The following TRAF6 variants were observed in gnomAD, a reference collection of about 807,000 sequenced individuals.
TRAF6 encodes the protein TNF receptor associated factor 6.
TRAF6 carries 10 observed loss-of-function variants against 48.4 expected under a neutral mutation model. That is an observed-to-expected ratio of 0.21 (90% confidence interval 0.13 to 0.35). TRAF6 has a LOEUF of 0.35. Among genes scored for constraint, TRAF6 ranks in the 10% least tolerant of loss-of-function variants. The probability of loss-of-function intolerance (pLI) is 1.00; values close to 1 mark genes in which losing one functional copy is unlikely to be tolerated. For synonymous variants in TRAF6, 186 were observed against 219.6 expected (o/e 0.85, Z 1.35); for missense variants, 397 against 661.0 (o/e 0.60, Z 4.38).
rs1316831790 is a variant in TRAF6 at position 36,490,811 on chromosome 11, A to G, written c.757-161T>C. On this transcript the variant is annotated intron_variant, in intron 6 of 6. Transcript: ENST00000526995. The surrounding 1 kb of genome is among the most constrained non-coding windows in gnomAD (Gnocchi z 6.4). ...AACAGATTCTTGATCCAATGAGGCG[A>G]CTCTGCCTCTTAGTTCACTGAAAAA... Among the ~76,000 whole-genome samples the G allele has an allele frequency of 6.6e-6, 1 of 151,920 alleles. No individual in the cohort carries two copies. The highest frequency in any genetic ancestry group is 1.5e-5 in the Non-Finnish European group (1 of 67,986).
At chr11:36,497,340 T>C in intron 3 of TRAF6, 74 bp from the exon 4 acceptor site, 2 of 1,387,382 alleles carry the variant, frequency 1.4e-6, no homozygotes, top group Middle Eastern at 1.8e-4. Context: ...CCTAATCATA[T>C]ACTGTTCTCT....
In TRAF6 at chr11:36,490,557, G is replaced by A; in HGVS notation, c.850C>T (p.Pro284Ser). ...ACCTCTGAGATATACCCAGAGTCGG[G>A]TATAACGCTCAAACTATGAACAGCC... The part of the protein sequence containing the change: ...AQAVHSLSVI[P>S]DSGYISEVRN... The change falls in exon 7 of 7, where the codon CCC (proline) becomes TCC (serine). Residue 284 changes from proline (P) to serine (S), a missense_variant. Transcript: ENST00000526995. This position sits in a 1 kb window ranked among gnomAD's most constrained non-coding sequence, Gnocchi z 6.4. The A allele has an allele frequency of 6.2e-7, 1 of 1,614,116 alleles. No homozygotes were observed. Among genetic ancestry groups the A allele is most frequent in the Non-Finnish European group, 8.5e-7 (1 of 1,180,046 alleles).
intron 1 of TRAF6, among the ~76,000 whole-genome samples, chr11:36,502,159 G>GT (rs1859726801): frequency 6.6e-6 from 1 of 152,112 alleles, no homozygotes; most frequent in Non-Finnish European, 1.5e-5. Flanking sequence ...TTAGATCTTG[G>GT]TTTTTTCTTC....
At chr11:36,497,964 A>C (rs565762954) in intron 3 of TRAF6, among the ~76,000 whole-genome samples, 2 of 150,430 alleles carry the variant, frequency 1.3e-5, no homozygotes, top group African/African-American at 4.9e-5. Flanking sequence ...GGCTCACTGC[A>C]ACCTCTACCT....
At chr11:36,494,040 G>A (rs1483187609) in intron 5 of TRAF6, among the ~76,000 whole-genome samples, 1 of 152,128 alleles carries the variant, frequency 6.6e-6, no homozygotes, top group South Asian at 2.1e-4. Context: ...ATAGCAATCA[G>A]ATGGAATTTT....
chr11:36,505,675 G>T (rs1392714133), intron 1 of TRAF6, among the ~76,000 whole-genome samples: 1 of 152,110 alleles, frequency 6.6e-6, no homozygotes, highest in Non-Finnish European at 1.5e-5. Flanking sequence ...TTGGCTAAAT[G>T]GCCCATTTTG....
chr11:36,491,324 T>C (rs926488890), intron 6 of TRAF6, among the ~76,000 whole-genome samples: 6 of 152,178 alleles, frequency 3.9e-5, no homozygotes, highest in African/African-American at 1.4e-4. Context: ...AAAGGTCATA[T>C]AGTCTTTAAA....
Position 36,487,070 on chromosome 11 carries a change from G to A in TRAF6, c.*2768C>T, listed in dbSNP as rs5030487. On this transcript the variant is annotated 3_prime_UTR_variant, in exon 7 of 7. Coordinates refer to ENST00000526995, the MANE Select transcript of TRAF6 (RefSeq NM_004620.4). Reference sequence around the variant, plus strand: ...TGCACCACTGCACTCCAGCCTGAGCGTCAGGGTGAGACTGTCTCAAAACAA... The same window carrying A: ...TGCACCACTGCACTCCAGCCTGAGCATCAGGGTGAGACTGTCTCAAAACAA... The A allele has an allele frequency of 0.51, 77,184 of 151,560 alleles. 21,711 individuals carry two copies. The highest frequency in any genetic ancestry group is 0.78 in the East Asian group (4,041 of 5,182). 9.4% of individuals were successfully genotyped at this position (151,560 alleles called of 1,614,324 possible).
At chr11:36,508,544 A>G (rs189445807) in intron 1 of TRAF6, among the ~76,000 whole-genome samples, 2 of 152,312 alleles carry the variant, frequency 1.3e-5, no homozygotes, top group East Asian at 1.9e-4. Flanking sequence ...AGTTAAAAGA[A>G]GTCAACAAGT....
At position 36,490,378 on chromosome 11, in the gene TRAF6, T is replaced by C; in HGVS notation, c.1029A>G (p.Glu343=). 1 of 1,614,194 alleles carries C rather than the reference T, an allele frequency of 6.2e-7. No individual in the cohort carries two copies. The highest frequency in any genetic ancestry group is 8.5e-7 in the Non-Finnish European group (1 of 1,180,028). The change falls in exon 7 of 7, where the codon GAA becomes GAG. Residue 343 remains glutamate (E), a synonymous_variant. Coordinates refer to ENST00000526995, the MANE Select transcript of TRAF6 (RefSeq NM_004620.4). This position sits in a 1 kb window ranked among gnomAD's most constrained non-coding sequence, Gnocchi z 6.4. ...TIRTLEDKVA[E]IEAQQCNGIY... is the part of the protein sequence containing the mutation. The stretch of plus-strand genomic sequence containing the variant: ...TTCCATTGCACTGCTGTGCTTCGAT[T>C]TCAGCAACTTTGTCCTCAAGGGTTC...
Position 36,490,556 on chromosome 11 carries a change from G to C in TRAF6, c.851C>G (p.Pro284Arg), listed in dbSNP as rs1173673453. ...AQAVHSLSVI[P>R]DSGYISEVRN... The stretch of plus-strand genomic sequence containing the variant: ...GACCTCTGAGATATACCCAGAGTCG[G>C]GTATAACGCTCAAACTATGAACAGC... Residue 284 changes from proline (P) to arginine (R), a missense_variant, in exon 7 of 7, where the codon CCC (proline) becomes CGC (arginine). By Grantham distance (103) the Pro-to-Arg change is moderately radical. Around this residue, in one of 4 missense-constraint regions of TRAF6, gnomAD observed 245 missense variants for 349.1 expected, o/e 0.70. Coordinates refer to ENST00000526995, the MANE Select transcript of TRAF6 (RefSeq NM_004620.4). The surrounding 1 kb of genome is among the most constrained non-coding windows in gnomAD (Gnocchi z 6.4). 5 of 1,614,108 alleles carry C rather than the reference G, an allele frequency of 3.1e-6. No individual in the cohort carries two copies. The highest frequency in any genetic ancestry group is 4.2e-6 in the Non-Finnish European group (5 of 1,180,040).
chr11:36,494,616 T>A (rs889173919), intron 5 of TRAF6, among the ~76,000 whole-genome samples: 5 of 150,296 alleles, frequency 3.3e-5, no homozygotes, highest in Admixed American at 6.6e-5. Context: ...GAGATCCTCA[T>A]TTCACAGTGT....
In TRAF6 at chr11:36,494,789, C is replaced by T. The variant is rs972812041; in HGVS notation, c.678+187G>A. On this transcript the variant is annotated intron_variant, in intron 5 of 6. Transcript: ENST00000526995. ...AGGAATTTTAAGTACTTAAAAAGGG[C>T]TGGATGTTTTGTTCTCCCTGAAAGT... Among the ~76,000 whole-genome samples the T allele has an allele frequency of 3.3e-5, 5 of 151,942 alleles. No homozygotes were observed. The East Asian group carries it at 9.6e-4, about 29-fold the overall frequency.
intron 4 of TRAF6, among the ~76,000 whole-genome samples, chr11:36,495,354 C>T (rs530508906): frequency 5.9e-5 from 9 of 152,162 alleles, no homozygotes; most frequent in South Asian, 2.1e-4. Context: ...CATCATCTGC[C>T]GAGGCTATAC....
intron 1 of TRAF6, among the ~76,000 whole-genome samples, chr11:36,505,431 CT>C (rs1211441751): frequency 3.9e-5 from 6 of 152,178 alleles, no homozygotes; most frequent in African/African-American, 1.4e-4. Flanking sequence ...TAGCTTCCAA[CT>C]TTTCTTTTGC....
At chr11:36,509,986 G>C (rs1355123224) in intron 1 of TRAF6, 62 bp downstream of exon 1, 1 of 152,336 alleles carries the variant, frequency 6.6e-6, no homozygotes, top group Non-Finnish European at 1.5e-5. Context: ...GGGGGGCGGC[G>C]TCCCTGACCG....
At chr11:36,501,977 T>G (rs1278084340) in intron 1 of TRAF6, among the ~76,000 whole-genome samples, 1 of 152,232 alleles carries the variant, frequency 6.6e-6, no homozygotes, top group East Asian at 1.9e-4. Context: ...ACAGTAAGTG[T>G]TCACTAAGCA....
At position 36,508,056 on chromosome 11, in the gene TRAF6, C is replaced by T. The variant is rs187891119; in HGVS notation, c.-23+1992G>A. Among the ~76,000 whole-genome samples the T allele has an allele frequency of 2.4e-3, 370 of 151,698 alleles. 2 individuals are homozygous for T. Among genetic ancestry groups the T allele is most frequent in the African/African-American group, 8.5e-3 (350 of 41,372 alleles). ...TTTTTTTGTAGAGACAGGATTTTGC[C>T]ATATTGCCCAGGCTGGTCTCAAGCT... is the stretch of plus-strand genomic sequence containing the variant. On this transcript the variant is annotated intron_variant, in intron 1 of 6. Coordinates refer to ENST00000526995, the MANE Select transcript of TRAF6 (RefSeq NM_004620.4).
At chr11:36,494,589 C>A (rs1859604578) in intron 5 of TRAF6, among the ~76,000 whole-genome samples, 1 of 151,900 alleles carries the variant, frequency 6.6e-6, no homozygotes, top group Middle Eastern at 3.4e-3. Context: ...ATTCTTTCAG[C>A]CAATCTCTGG....
Sources: gnomAD v4.1 joint callset for allele counts (sites outside exome capture counted in the v4.1 genomes callset) on GRCh38, gnomAD v4.1.1 for gene constraint, gnomAD v4.1.1 regional missense constraint, Gnocchi (gnomAD v3.1) non-coding constraint, MANE v1.5 for transcripts, NCBI Gene and HGNC (gene_info 2026-07-23, HGNC 2026-07-21) for gene names.